UPRT: variants seen among roughly 807,000 people sequenced by gnomAD.
UPRT encodes uracil phosphoribosyltransferase homolog.
UPRT carries 5 observed loss-of-function variants against 22.6 expected under a neutral mutation model. The observed-to-expected ratio is 0.22, with a 90% CI of 0.12 to 0.47. The LOEUF (loss-of-function observed/expected upper bound fraction) is 0.47, where lower values mean the gene tolerates loss of function less well. Among genes scored for constraint, UPRT ranks in the 20% least tolerant of loss-of-function variants. The probability of loss-of-function intolerance (pLI) is 0.99; values close to 1 mark genes in which losing one functional copy is unlikely to be tolerated. For missense variants in UPRT, 181 were observed against 239.9 expected (o/e 0.75, Z 1.62); for synonymous variants, 77 against 87.7 (o/e 0.88, Z 0.68).
chrX:75,259,337 G>A (rs937829203), intron 4 of UPRT, among the ~76,000 whole-genome samples: 1 of 110,146 alleles, frequency 9.1e-6, no homozygotes, highest in Non-Finnish European at 1.9e-5. Flanking sequence ...AGCTAAAGGA[G>A]CATGTTCTAA....
chrX:75,237,123 C>G (rs1446979735), intron 4 of UPRT, among the ~76,000 whole-genome samples: 1 of 112,201 alleles, frequency 8.9e-6, no homozygotes, highest in South Asian at 3.7e-4. Flanking sequence ...ACAAACCCAT[C>G]AAACAGTGAG....
intron 2 of UPRT, among the ~76,000 whole-genome samples, chrX:75,161,857 T>G (rs1326013729): frequency 9.0e-6 from 1 of 111,468 alleles, no homozygotes; most frequent in African/African-American, 3.3e-5. Context: ...ACCTGTAGGA[T>G]TTAGGGGGCA....
chrX:75,268,509 A>G (rs1290822683), intron 4 of UPRT, among the ~76,000 whole-genome samples: 2 of 111,807 alleles, frequency 1.8e-5, no homozygotes, highest in African/African-American at 6.5e-5. Context: ...AAAATCCTCA[A>G]TAAAATACTA....
intron 4 of UPRT, among the ~76,000 whole-genome samples, chrX:75,237,017 C>T (rs1194698215): frequency 1.8e-5 from 2 of 111,956 alleles, no homozygotes; most frequent in South Asian, 7.4e-4. Context: ...AGGCAACCTA[C>T]AAAATGGGAG....
At chrX:75,228,525 C>T (rs1452070055) in intron 4 of UPRT, among the ~76,000 whole-genome samples, 2 of 112,144 alleles carry the variant, frequency 1.8e-5, no homozygotes, top group African/African-American at 6.5e-5. Flanking sequence ...TTGCCTTACT[C>T]TTTGCATTAT....
intron 4 of UPRT, among the ~76,000 whole-genome samples, chrX:75,237,326 C>G (rs955562104): frequency 9.0e-6 from 1 of 111,477 alleles, no homozygotes; most frequent in Non-Finnish European, 1.9e-5. Context: ...TGTGGAGAAA[C>G]AGGAACACTT....
chrX:75,203,350 A>G (rs2082352785), intron 4 of UPRT, among the ~76,000 whole-genome samples: 1 of 111,123 alleles, frequency 9.0e-6, no homozygotes, highest in African/African-American at 3.3e-5. Context: ...TAATAGTCGG[A>G]GACTTTAACA....
At chrX:75,277,671 GTCT>G (rs1160236748) in intron 1 of UPRT, among the ~76,000 whole-genome samples, 1 of 111,530 alleles carries the variant, frequency 9.0e-6, no homozygotes, top group Non-Finnish European at 1.9e-5. Flanking sequence ...CATAAGTGCT[GTCT>G]TCTTGATTTG....
intron 4 of UPRT, among the ~76,000 whole-genome samples, chrX:75,196,482 G>A (rs770689763): frequency 8.9e-6 from 1 of 112,585 alleles, no homozygotes; most frequent in Non-Finnish European, 1.9e-5. Context: ...TAGATATCTT[G>A]ACAAACTTTC....
At chrX:75,157,562 C>T (rs748327517) in intron 1 of UPRT, among the ~76,000 whole-genome samples, 10 of 111,875 alleles carry the variant, frequency 8.9e-5, no homozygotes, top group Non-Finnish European at 1.9e-4. Flanking sequence ...CCTTCTATTT[C>T]ATTCTAAGAA....
At chrX:75,188,122 T>G (rs1602445503) in intron 4 of UPRT, among the ~76,000 whole-genome samples, 1 of 112,237 alleles carries the variant, frequency 8.9e-6, no homozygotes, top group Non-Finnish European at 1.9e-5. Context: ...TTTCCAGTTT[T>G]TCTGCTCTGT....
intron 4 of UPRT, among the ~76,000 whole-genome samples, chrX:75,196,884 G>A (rs898567298): frequency 2.7e-5 from 3 of 111,502 alleles, no homozygotes; most frequent in African/African-American, 3.3e-5. Flanking sequence ...TAAAAGTGAT[G>A]AATGAAACTA....
chrX:75,180,681 G>GTTTTTCT (rs2082266149), intron 4 of UPRT, among the ~76,000 whole-genome samples: 1 of 43,894 alleles, frequency 2.3e-5, no homozygotes, highest in Non-Finnish European at 3.8e-5. Context: ...CCTTTTCTCT[G>GTTTTTCT]TTTTTTTTTT....
At chrX:75,196,398 T>C (rs1455998677) in intron 4 of UPRT, among the ~76,000 whole-genome samples, 1 of 112,305 alleles carries the variant, frequency 8.9e-6, no homozygotes. Context: ...AAATGAGAAG[T>C]CTGAGACGAA....
chrX:75,265,615 A>G (rs781167092), intron 4 of UPRT, among the ~76,000 whole-genome samples: 1 of 111,452 alleles, frequency 9.0e-6, no homozygotes, highest in Non-Finnish European at 1.9e-5. Flanking sequence ...CTTCTTTGCC[A>G]TGGGTTCAAA....
intron 4 of UPRT, among the ~76,000 whole-genome samples, chrX:75,175,585 G>A (rs1181205389): frequency 8.9e-6 from 1 of 111,785 alleles, no homozygotes; most frequent in Admixed American, 9.4e-5. Context: ...GCTTGCCCCG[G>A]GCACCCTCAG....
chrX:75,282,993 T>C (rs1473770619), intron 1 of UPRT, among the ~76,000 whole-genome samples: 1 of 112,051 alleles, frequency 8.9e-6, no homozygotes, highest in African/African-American at 3.2e-5. Context: ...TGTGATAGTT[T>C]TCCATTGGAC....
intron 4 of UPRT, among the ~76,000 whole-genome samples, chrX:75,196,853 AGAT>A (rs1050977581): frequency 9.0e-6 from 1 of 111,092 alleles, no homozygotes; most frequent in Non-Finnish European, 1.9e-5. Context: ...TCTCAAAAAA[AGAT>A]AATAATAATA....
At chrX:75,192,870 G>T (rs1480546449) in intron 4 of UPRT, among the ~76,000 whole-genome samples, 1 of 111,850 alleles carries the variant, frequency 8.9e-6, no homozygotes, top group Non-Finnish European at 1.9e-5. Context: ...TGGGGGATGG[G>T]TCTCTTGAAT....
Sources: allele counts gnomAD v4.1 joint callset (sites outside exome capture counted in the v4.1 genomes callset), GRCh38; gene constraint gnomAD v4.1.1; transcripts MANE v1.5; gene names NCBI Gene and HGNC (gene_info 2026-07-23, HGNC 2026-07-21).